Variants in CD1B observed in about 807,000 individuals in gnomAD.
CD1B encodes T-cell surface glycoprotein CD1b.
Under a neutral mutation model 39.8 loss-of-function variants are expected in CD1B, and 43 were observed. That is an observed-to-expected ratio of 1.08 (90% confidence interval 0.85 to 1.39). CD1B has a LOEUF of 1.39. CD1B is among the 40% of genes most tolerant of loss of function. The probability of loss-of-function intolerance (pLI) is 0.00; values close to 1 mark genes in which losing one functional copy is unlikely to be tolerated. For missense variants in CD1B, 495 were observed against 403.8 expected, an observed-to-expected ratio of 1.23 and a Z score of -1.94; for synonymous variants, 192 against 152.5, an observed-to-expected ratio of 1.26 and a Z score of -1.91.
the CD1B span, among the ~76,000 whole-genome samples, chr1:158,308,640 A>C: frequency 1.1e-4 from 16 of 152,082 alleles, no homozygotes; most frequent in African/African-American, 3.4e-4. Flanking sequence ...GAGATATAGA[A>C]CAATGGAACA....
the CD1B span, among the ~76,000 whole-genome samples, chr1:158,307,671 T>C: frequency 6.6e-6 from 1 of 152,188 alleles, no homozygotes; most frequent in Non-Finnish European, 1.5e-5. Flanking sequence ...CGAACATCGA[T>C]GCAGAAATTC....
chr1:158,297,515 C>T, the CD1B span, among the ~76,000 whole-genome samples: 1 of 152,122 alleles, frequency 6.6e-6, no homozygotes, highest in Non-Finnish European at 1.5e-5. Context: ...ACCAGTGACA[C>T]TATAAAGGAA....
chr1:158,299,742 C>A, the CD1B span, among the ~76,000 whole-genome samples: 1 of 152,134 alleles, frequency 6.6e-6, no homozygotes, highest in African/African-American at 2.4e-5. Context: ...GGAATTTATC[C>A]ATTTCTTCTA....
the CD1B span, among the ~76,000 whole-genome samples, chr1:158,295,936 T>G: frequency 6.6e-6 from 1 of 152,082 alleles, no homozygotes; most frequent in African/African-American, 2.4e-5. Context: ...TCTGTGCACA[T>G]ATGCATGGAG....
the CD1B span, chr1:158,293,286 T>G: frequency 1.2e-6 from 2 of 1,613,766 alleles, no homozygotes. Flanking sequence ...CCTTGTGTTA[T>G]GGTTTAAGAA....
At chr1:158,315,731 C>A in the CD1B span, among the ~76,000 whole-genome samples, 1 of 151,908 alleles carries the variant, frequency 6.6e-6, no homozygotes, top group South Asian at 2.1e-4. Context: ...AAGTCCTTGC[C>A]CATGCCTATG....
chr1:158,322,577 T>G, the CD1B span, among the ~76,000 whole-genome samples: 1 of 152,172 alleles, frequency 6.6e-6, no homozygotes, highest in Non-Finnish European at 1.5e-5. Context: ...GCCTGTATAC[T>G]TACCTTTACC....
At chr1:158,292,469 G>C in the CD1B span, 2 of 1,482,490 alleles carry the variant, frequency 1.3e-6, no homozygotes, top group Admixed American at 2.0e-5. Flanking sequence ...AGAAGCAGGG[G>C]GGTTGCTGGG....
the CD1B span, among the ~76,000 whole-genome samples, chr1:158,319,451 C>A: frequency 6.6e-6 from 1 of 152,194 alleles, no homozygotes; most frequent in Non-Finnish European, 1.5e-5. Context: ...TCCAGTTGAT[C>A]GCATCAGCTC....
At chr1:158,287,955 G>C in the CD1B span, among the ~76,000 whole-genome samples, 4 of 152,170 alleles carry the variant, frequency 2.6e-5, no homozygotes, top group African/African-American at 7.2e-5. Flanking sequence ...GCTGGCTAAT[G>C]CTTCCAACAC....
At chr1:158,292,965 G>A in the CD1B span, 2 of 1,269,272 alleles carry the variant, frequency 1.6e-6, no homozygotes, top group Non-Finnish European at 1.1e-6. Flanking sequence ...CCTAGGTGAG[G>A]GATTGTAGGA....
chr1:158,293,174 T>C, the CD1B span: 2 of 1,484,868 alleles, frequency 1.3e-6, no homozygotes. Context: ...CAGCAGTGAG[T>C]TTAAAATGGC....
the CD1B span, chr1:158,289,781 G>A: frequency 1.7e-5 from 6 of 345,160 alleles, no homozygotes; most frequent in Non-Finnish European, 2.7e-5. Flanking sequence ...ACACCACTTT[G>A]TCTAAGGCAG....
At chr1:158,321,331 C>T in the CD1B span, among the ~76,000 whole-genome samples, 1 of 152,070 alleles carries the variant, frequency 6.6e-6, no homozygotes, top group East Asian at 1.9e-4. Flanking sequence ...GCTACTTCTG[C>T]TCCATTTTGC....
chr1:158,302,002 A>G, the CD1B span, among the ~76,000 whole-genome samples: 1 of 152,070 alleles, frequency 6.6e-6, no homozygotes, highest in Non-Finnish European at 1.5e-5. Flanking sequence ...TCAAGCTGGT[A>G]GTTGCAGACC....
the CD1B span, among the ~76,000 whole-genome samples, chr1:158,319,424 T>TTG: frequency 1.3e-5 from 2 of 152,226 alleles, no homozygotes; most frequent in East Asian, 1.9e-4. Flanking sequence ...TCATCTTCCA[T>TTG]CAATGATACC....
the CD1B span, chr1:158,292,769 T>C: frequency 6.2e-7 from 1 of 1,614,060 alleles, no homozygotes; most frequent in Non-Finnish European, 8.5e-7. Context: ...TGATGGGACA[T>C]GGTATCTTCA....
chr1:158,319,780 C>G, the CD1B span, among the ~76,000 whole-genome samples: 2 of 152,178 alleles, frequency 1.3e-5, no homozygotes, highest in South Asian at 4.1e-4. Flanking sequence ...TGTTTTTTCC[C>G]CATCTTTGTG....
At chr1:158,298,613 C>A in the CD1B span, among the ~76,000 whole-genome samples, 2 of 152,094 alleles carry the variant, frequency 1.3e-5, no homozygotes, top group African/African-American at 4.8e-5. Context: ...GGCAGTATGG[C>A]CATTTTCACG....
Sources: allele counts gnomAD v4.1 joint callset (sites outside exome capture counted in the v4.1 genomes callset), GRCh38; gene constraint gnomAD v4.1.1; transcripts MANE v1.5; gene names NCBI Gene and HGNC (gene_info 2026-07-23, HGNC 2026-07-21).